Variants in EDIL3 observed in about 807,000 individuals in gnomAD.
The protein encoded by EDIL3 is EGF like and discoidin domains 3, also known as EGF-like repeat and discoidin I-like domain-containing protein 3.
EDIL3 carries 37 observed loss-of-function variants against 67.4 expected under a neutral mutation model. That is an observed-to-expected ratio of 0.55 (90% confidence interval 0.42 to 0.72). The LOEUF (loss-of-function observed/expected upper bound fraction) is 0.72. EDIL3 is among the 30% of genes least tolerant of loss of function. The probability of loss-of-function intolerance (pLI) is 0.00; values close to 1 mark genes in which losing one functional copy is unlikely to be tolerated. For missense variants in EDIL3, 527 were observed against 586.3 expected (o/e 0.90, Z 1.04); for synonymous variants, 195 against 196.3 (o/e 0.99, Z 0.05).
intron 1 of EDIL3, among the ~76,000 whole-genome samples, chr5:84,263,572 C>T (rs529901988): frequency 4.6e-5 from 7 of 152,104 alleles, no homozygotes; most frequent in Admixed American, 6.5e-5. Context: ...TCTAATTATT[C>T]TGTGTTTCTA....
At chr5:84,249,319 T>G (rs764067806) in intron 2 of EDIL3, among the ~76,000 whole-genome samples, 4 of 152,146 alleles carry the variant, frequency 2.6e-5, no homozygotes, top group Non-Finnish European at 4.4e-5. Context: ...AAGCAAGACA[T>G]CTGCTTTATA....
intron 9 of EDIL3, among the ~76,000 whole-genome samples, chr5:83,967,687 A>T (rs1024900222): frequency 6.6e-6 from 1 of 152,176 alleles, no homozygotes; most frequent in Non-Finnish European, 1.5e-5. Context: ...TTAAAGATAA[A>T]CTTCATTTCA....
intron 1 of EDIL3, among the ~76,000 whole-genome samples, chr5:84,380,223 A>G (rs1247078658): frequency 6.6e-6 from 1 of 152,102 alleles, no homozygotes; most frequent in African/African-American, 2.4e-5. Flanking sequence ...AAATCATTTT[A>G]GAAGAATATT....
intron 1 of EDIL3, among the ~76,000 whole-genome samples, chr5:84,328,230 G>A (rs1385315453): frequency 6.6e-6 from 1 of 151,996 alleles, no homozygotes; most frequent in Non-Finnish European, 1.5e-5. Flanking sequence ...ATAACTAGAT[G>A]TTCTATATGT....
At chr5:84,029,949 T>G (rs1745888504) in intron 9 of EDIL3, among the ~76,000 whole-genome samples, 1 of 152,090 alleles carries the variant, frequency 6.6e-6, no homozygotes, top group Non-Finnish European at 1.5e-5. Context: ...CAGAAAAACT[T>G]TGTTTAAGGA....
intron 1 of EDIL3, among the ~76,000 whole-genome samples, chr5:84,378,673 T>C (rs1374965589): frequency 1.3e-5 from 2 of 152,206 alleles, no homozygotes; most frequent in Non-Finnish European, 2.9e-5. Context: ...TTCTCAGCTA[T>C]GTGGTATGTG....
chr5:84,312,263 G>A (rs1173062920), intron 1 of EDIL3, among the ~76,000 whole-genome samples: 6 of 137,880 alleles, frequency 4.4e-5, no homozygotes, highest in Non-Finnish European at 4.7e-5. Context: ...CCTCCCGGAC[G>A]GGGCAGCTGG....
intron 3 of EDIL3, among the ~76,000 whole-genome samples, chr5:84,215,614 A>G (rs1744213071): frequency 6.6e-6 from 1 of 152,220 alleles, no homozygotes; most frequent in South Asian, 2.1e-4. Flanking sequence ...AAAGACTGAC[A>G]AAGTGGAGAA....
At chr5:84,057,406 A>AG (rs879881895) in intron 9 of EDIL3, among the ~76,000 whole-genome samples, 45,902 of 151,828 alleles carry the variant, frequency 0.3, 7,002 homozygotes, top group South Asian at 0.35. Flanking sequence ...GGGGTGTAAA[A>AG]TAGTTTGCCT....
chr5:84,229,187 C>G (rs1445751), intron 3 of EDIL3, among the ~76,000 whole-genome samples: 67,192 of 151,804 alleles, frequency 0.44, 14,998 homozygotes, highest in African/African-American at 0.5. Flanking sequence ...TCTCTGACCT[C>G]TCTCACTGTC....
intron 6 of EDIL3, among the ~76,000 whole-genome samples, chr5:84,084,774 A>C (rs1178119006): frequency 6.6e-6 from 1 of 152,214 alleles, no homozygotes; most frequent in East Asian, 1.9e-4. Context: ...ACAAATTGAA[A>C]CACAAGAACA....
intron 1 of EDIL3, among the ~76,000 whole-genome samples, chr5:84,381,146 G>T: frequency 6.6e-6 from 1 of 151,996 alleles, no homozygotes; most frequent in Non-Finnish European, 1.5e-5. Flanking sequence ...ATTATTTTAA[G>T]TCTTTTCCCA....
chr5:84,265,796 T>C (rs1436851221), intron 1 of EDIL3, among the ~76,000 whole-genome samples: 1 of 152,230 alleles, frequency 6.6e-6, no homozygotes, highest in Non-Finnish European at 1.5e-5. Context: ...ATTTAATGGC[T>C]ATATGGCCAA....
intron 10 of EDIL3, among the ~76,000 whole-genome samples, chr5:83,960,851 A>G (rs1014297801): frequency 6.6e-6 from 1 of 151,072 alleles, no homozygotes; most frequent in Non-Finnish European, 1.5e-5. Flanking sequence ...AAGATGATAA[A>G]TTTAAATCCA....
At chr5:84,332,968 A>C (rs1746906007) in intron 1 of EDIL3, among the ~76,000 whole-genome samples, 2 of 152,248 alleles carry the variant, frequency 1.3e-5, no homozygotes, top group Admixed American at 1.3e-4. Flanking sequence ...ATGAAAAACT[A>C]ATCATGATCT....
At chr5:84,204,685 C>A (rs1338354496) in intron 3 of EDIL3, among the ~76,000 whole-genome samples, 3 of 151,646 alleles carry the variant, frequency 2.0e-5, no homozygotes, top group Non-Finnish European at 2.9e-5. Flanking sequence ...TGTCAGTATC[C>A]TTCAAAGTCT....
intron 4 of EDIL3, among the ~76,000 whole-genome samples, chr5:84,139,646 T>C (rs1314969150): frequency 6.6e-6 from 1 of 152,198 alleles, no homozygotes; most frequent in Non-Finnish European, 1.5e-5. Flanking sequence ...TGTAACTGGT[T>C]AATGTCTTCA....
At chr5:84,010,259 C>A (rs1048651811) in intron 9 of EDIL3, among the ~76,000 whole-genome samples, 32 of 152,114 alleles carry the variant, frequency 2.1e-4, no homozygotes, top group Admixed American at 9.8e-4. Flanking sequence ...ATCAAGTAAC[C>A]TTTTCTTACA....
At chr5:84,227,296 A>G (rs1002093032) in intron 3 of EDIL3, among the ~76,000 whole-genome samples, 1 of 152,140 alleles carries the variant, frequency 6.6e-6, no homozygotes, top group Non-Finnish European at 1.5e-5. Context: ...ACTTATCAAA[A>G]GAAGATATAC....
Sources: gnomAD v4.1 joint callset for allele counts (sites outside exome capture counted in the v4.1 genomes callset) on GRCh38, gnomAD v4.1.1 for gene constraint, MANE v1.5 for transcripts, NCBI Gene and HGNC (gene_info 2026-07-23, HGNC 2026-07-21) for gene names.